YIPF7: variants seen among roughly 807,000 people sequenced by gnomAD.
YIPF7 encodes the protein Yip1 domain family member 7, also known as protein YIPF7.
YIPF7 carries 35 observed loss-of-function variants against 27.2 expected under a neutral mutation model. That is an observed-to-expected ratio of 1.29 (90% CI 0.98 to 1.70). The LOEUF (loss-of-function observed/expected upper bound fraction) is 1.70, where lower values mean the gene tolerates loss of function less well. Among genes scored for constraint, YIPF7 ranks in the 40% most tolerant of loss-of-function variants. The pLI, the probability that YIPF7 is intolerant of heterozygous loss-of-function variation, is 0.00. For missense variants in YIPF7, 358 were observed against 303.7 expected, an observed-to-expected ratio of 1.18 and a Z score of -1.33; for synonymous variants, 137 against 110.4, an observed-to-expected ratio of 1.24 and a Z score of -1.51.
upstream of YIPF7, chr4:44,651,656 TAC>T (rs1491286323): frequency 6.7e-7 from 1 of 1,502,698 alleles, no homozygotes; most frequent in Admixed American, 2.3e-5. Context: ...GCTATATATA[TAC>T]CTTTCTAAAT....
intron 2 of YIPF7, among the ~76,000 whole-genome samples, chr4:44,647,707 A>G (rs904290502): frequency 6.6e-6 from 1 of 152,166 alleles, no homozygotes; most frequent in African/African-American, 2.4e-5. Context: ...CCTAAAAAAA[A>G]TTATATCTCA....
intron 5 of YIPF7, among the ~76,000 whole-genome samples, 164 bp from the exon 6 acceptor site, chr4:44,622,740 T>A (rs1712487735): frequency 6.6e-6 from 1 of 152,212 alleles, no homozygotes; most frequent in Non-Finnish European, 1.5e-5. Flanking sequence ...CAGTTAGGCA[T>A]TTTTTAGTCA....
intron 2 of YIPF7, among the ~76,000 whole-genome samples, chr4:44,642,420 GCTTT>G (rs747818343): frequency 2.7e-5 from 4 of 150,912 alleles, no homozygotes; most frequent in Non-Finnish European, 4.4e-5. Flanking sequence ...TTAAATTATA[GCTTT>G]CTTTATCTTA....
chr4:44,646,723 C>T (rs1287301871), intron 2 of YIPF7, among the ~76,000 whole-genome samples: 1 of 152,100 alleles, frequency 6.6e-6, no homozygotes, highest in Non-Finnish European at 1.5e-5. Context: ...AGCACAGTCA[C>T]CCAGCTTTCA....
At chr4:44,646,974 T>C (rs1213037171) in intron 2 of YIPF7, among the ~76,000 whole-genome samples, 1 of 152,216 alleles carries the variant, frequency 6.6e-6, no homozygotes, top group East Asian at 1.9e-4. Flanking sequence ...AGATCAAATC[T>C]CTGGATTTCC....
chr4:44,649,847 G>A (rs1713661955), intron 2 of YIPF7, 138 bp downstream of exon 2: 1 of 553,274 alleles, frequency 1.8e-6, no homozygotes, highest in Non-Finnish European at 3.2e-6. Flanking sequence ...GATTTTTTTT[G>A]TGGGTCTAGT....
At chr4:44,650,237 A>T in intron 1 of YIPF7, 136 bp from the exon 2 acceptor site, 1 of 679,026 alleles carries the variant, frequency 1.5e-6, no homozygotes, top group South Asian at 1.7e-5. Flanking sequence ...AATGGGGTCA[A>T]TAAAGTATTG....
chr4:44,623,850 G>A lies in YIPF7; in HGVS notation c.608+751C>T, dbSNP rs146634487. 4.1e-3 allele frequency among the ~76,000 whole-genome samples: 622 copies of A among 152,240 alleles called. 14 individuals are homozygous for A. The highest frequency in any genetic ancestry group is 0.035 in the Admixed American group (541 of 15,286). On this transcript the variant is annotated intron_variant, in intron 5 of 5. Coordinates refer to ENST00000415895, the MANE Select transcript of YIPF7 (RefSeq NM_182592.3). ...TCATCAGGGTTCCTGGGAATTCTAC[G>A]TGGCAAAGAGCCCAGCTGAGAAAGA...
At chr4:44,655,976 T>C (rs1713892345), upstream of YIPF7, among the ~76,000 whole-genome samples, 1 of 152,054 alleles carries the variant, frequency 6.6e-6, no homozygotes, top group Admixed American at 6.6e-5. Flanking sequence ...AATACTATCA[T>C]AATTATCTTT....
Position 44,622,444 on chromosome 4 carries a change from A to G in YIPF7, c.741T>C (p.Tyr247=). The part of the protein sequence containing the change: ...LLVAYPCAIL[Y]GLFALLTIF ...AAATTGTTAGGAGGGCAAAAAGTCC[A>G]TAAAGTATGGCACAAGGGTAGGCAA... The change falls in exon 6 of 6, where the codon TAT becomes TAC. Residue 247 remains tyrosine (Y), a synonymous_variant. Coordinates refer to ENST00000415895, the MANE Select transcript of YIPF7 (RefSeq NM_182592.3). 3 of 1,613,630 alleles carry G rather than the reference A, an allele frequency of 1.9e-6. No homozygotes were observed. Among genetic ancestry groups the G allele is most frequent in the Admixed American group, 3.3e-5 (2 of 59,988 alleles).
At chr4:44,658,784 A>G (rs563004985) in intron 2 of YIPF7, among the ~76,000 whole-genome samples, 2 of 152,280 alleles carry the variant, frequency 1.3e-5, no homozygotes, top group East Asian at 3.9e-4. Context: ...AGAATCAAAC[A>G]AAAGGGGAAC....
At chr4:44,623,710 T>C (rs1712521156) in intron 5 of YIPF7, among the ~76,000 whole-genome samples, 2 of 152,190 alleles carry the variant, frequency 1.3e-5, no homozygotes, top group Non-Finnish European at 2.9e-5. Flanking sequence ...TAATGTACTG[T>C]ATTCTTAGTA....
chr4:44,646,711 T>C (rs1236102705), intron 2 of YIPF7, among the ~76,000 whole-genome samples: 1 of 152,148 alleles, frequency 6.6e-6, no homozygotes, highest in Non-Finnish European at 1.5e-5. Flanking sequence ...ACCGTCTTAG[T>C]GAGCACAGTC....
intron 2 of YIPF7, among the ~76,000 whole-genome samples, chr4:44,644,432 C>G (rs537139929): frequency 1.3e-5 from 2 of 152,312 alleles, no homozygotes; most frequent in African/African-American, 4.8e-5. Context: ...CTGCACACAG[C>G]CTGTGGGCTG....
chr4:44,658,754 T>C (rs773179089), intron 2 of YIPF7, among the ~76,000 whole-genome samples: 2 of 152,154 alleles, frequency 1.3e-5, no homozygotes, highest in Non-Finnish European at 2.9e-5. Flanking sequence ...ACATTTTACA[T>C]GGCAGCAGAT....
chr4:44,622,297 T>G lies in YIPF7; in HGVS notation c.*117A>C. On this transcript the variant is annotated 3_prime_UTR_variant, in exon 6 of 6. Transcript: ENST00000415895. ...CTTAAGTGCTGCTTTGTCTCTCTGC[T>G]TATTACTCTCTCAAAAGCAATAAAA... 7.8e-7 allele frequency: 1 copy of G among 1,284,448 alleles called. No homozygotes were observed. Among genetic ancestry groups the G allele is most frequent in the South Asian group, 1.6e-5 (1 of 64,500 alleles). The allele number at this position is 1,284,448 out of a possible 1,614,324, so 79.6% of individuals were successfully genotyped here. A position where few individuals can be genotyped will look rare whatever the true frequency, so the allele number is the denominator to read the frequency against.
chr4:44,661,270 A>G (rs1274663259), intron 1 of YIPF7, among the ~76,000 whole-genome samples: 1 of 152,180 alleles, frequency 6.6e-6, no homozygotes, highest in African/African-American at 2.4e-5. Context: ...AGACAGATGT[A>G]AGGGTATACT....
At position 44,650,058 on chromosome 4, in the gene YIPF7, T is replaced by A; in HGVS notation, c.43A>T (p.Asn15Tyr). ...TGCTCCTGGTTATCAATAGTAAAAT[T>A]AGATTGGTAAAAATCAGAGTCAAAT... ...AQFDSDFYQS[N>Y]FTIDNQEQSG... Residue 15 changes from asparagine (N) to tyrosine (Y), a missense_variant, in exon 2 of 6, where the codon AAT becomes TAT. Asn to Tyr is a moderately radical substitution (Grantham distance 143). Transcript: ENST00000415895. The A allele has an allele frequency of 6.3e-7, 1 of 1,583,810 alleles. No individual in the cohort carries two copies. Among genetic ancestry groups the A allele is most frequent in the Non-Finnish European group, 8.6e-7 (1 of 1,163,294 alleles).
At chr4:44,627,939 T>A (rs879299436) in intron 4 of YIPF7, among the ~76,000 whole-genome samples, 8 of 152,158 alleles carry the variant, frequency 5.3e-5, no homozygotes, top group Non-Finnish European at 7.4e-5. Flanking sequence ...ACATTATGCA[T>A]CCAAGAGAGA....
Sources: allele counts gnomAD v4.1 joint callset (sites outside exome capture counted in the v4.1 genomes callset), GRCh38; gene constraint gnomAD v4.1.1; transcripts MANE v1.5; gene names NCBI Gene and HGNC (gene_info 2026-07-23, HGNC 2026-07-21).